The following RIMS1 variants were observed in gnomAD, a reference collection of about 807,000 sequenced individuals.
The protein encoded by RIMS1 is regulating synaptic membrane exocytosis protein 1.
A neutral mutation model predicts 214.1 loss-of-function variants in RIMS1; 83 were observed. The ratio of observed to expected loss-of-function variants is 0.39; its 90% CI spans 0.32 to 0.47. The LOEUF (loss-of-function observed/expected upper bound fraction) is 0.47. Ranked by LOEUF, RIMS1 falls within the 20% of genes least tolerant of loss-of-function variation. RIMS1 has a pLI of 0.99. For synonymous variants in RIMS1, 793 were observed against 786.8 expected, an observed-to-expected ratio of 1.01 and a Z score of -0.13; for missense variants, 2,050 against 2,161.8, an observed-to-expected ratio of 0.95 and a Z score of 1.03.
At chr6:72,231,155 G>A (rs773995761) in intron 6 of RIMS1, among the ~76,000 whole-genome samples, 11 of 151,590 alleles carry the variant, frequency 7.3e-5, no homozygotes, top group East Asian at 1.9e-4. Flanking sequence ...TGCTTATTCC[G>A]TTAATAATAG....
chr6:72,217,330 G>A (rs2056573287), intron 6 of RIMS1: 1 of 1,204,610 alleles, frequency 8.3e-7, no homozygotes, highest in Non-Finnish European at 1.2e-6. Flanking sequence ...ATACTAAAAT[G>A]TTTCATTTAG....
At chr6:72,281,760 A>C (rs2090211825) in intron 23 of RIMS1, among the ~76,000 whole-genome samples, 2 of 152,074 alleles carry the variant, frequency 1.3e-5, no homozygotes, top group African/African-American at 4.8e-5. Context: ...CATTTCAATA[A>C]GTCCTTTCCA....
At chr6:72,205,966 A>AT (rs1406214872) in intron 6 of RIMS1, among the ~76,000 whole-genome samples, 1 of 152,168 alleles carries the variant, frequency 6.6e-6, no homozygotes, top group African/African-American at 2.4e-5. Flanking sequence ...ACTATATGGT[A>AT]TGTTTTTGAA....
At chr6:72,119,005 A>G (rs1238276829) in intron 4 of RIMS1, among the ~76,000 whole-genome samples, 1 of 151,792 alleles carries the variant, frequency 6.6e-6, no homozygotes, top group Non-Finnish European at 1.5e-5. Context: ...AATAAAGGAC[A>G]TCCAAATTGG....
At chr6:72,307,746 A>G (rs950976903) in intron 27 of RIMS1, among the ~76,000 whole-genome samples, 1 of 152,050 alleles carries the variant, frequency 6.6e-6, no homozygotes, top group African/African-American at 2.4e-5. Context: ...GACTCCATCT[A>G]AAAAAACAAA....
At chr6:71,899,491 A>ACACACAC (rs1554198466) in intron 1 of RIMS1, among the ~76,000 whole-genome samples, 19 of 151,106 alleles carry the variant, frequency 1.3e-4, no homozygotes, top group South Asian at 1.1e-3. Flanking sequence ...CACACACACA[A>ACACACAC]ACACACACAC....
chr6:72,232,283 A>G (rs2062275416), intron 6 of RIMS1, among the ~76,000 whole-genome samples: 1 of 151,704 alleles, frequency 6.6e-6, no homozygotes, highest in Non-Finnish European at 1.5e-5. Context: ...TACCTTTTGA[A>G]TTATAACATT....
chr6:71,887,459 G>T (rs755629608), intron 1 of RIMS1, among the ~76,000 whole-genome samples: 1 of 152,126 alleles, frequency 6.6e-6, no homozygotes, highest in Non-Finnish European at 1.5e-5. Flanking sequence ...ATGGGTGGAC[G>T]GGGGCCACGC....
Position 72,233,675 on chromosome 6 carries a change from G to A in RIMS1, c.1679-98G>A. 4 of 881,770 alleles carry A rather than the reference G, an allele frequency of 4.5e-6. No individual in the cohort carries two copies. In the South Asian group the frequency reaches 5.7e-5, roughly 13 times the overall value. The allele number at this position is 881,770 out of a possible 1,614,324, so 54.6% of individuals were successfully genotyped here. On this transcript the variant is annotated intron_variant, in intron 6 of 33. Transcript: ENST00000521978. ...CTGCGATGTACACGCTCAAGCTTAT[G>A]ATATTAAAACTCTTTATAGATCGAA...
At chr6:71,994,338 C>T (rs1256475290) in intron 2 of RIMS1, among the ~76,000 whole-genome samples, 1 of 152,130 alleles carries the variant, frequency 6.6e-6, no homozygotes, top group Non-Finnish European at 1.5e-5. Flanking sequence ...GGCTTCTTTA[C>T]CTTACCATAT....
chr6:72,239,741 C>T (rs189082874), intron 9 of RIMS1, among the ~76,000 whole-genome samples: 15 of 152,250 alleles, frequency 9.9e-5, no homozygotes, highest in Non-Finnish European at 2.1e-4. Flanking sequence ...GAAGATCCTT[C>T]GGTGTTTCCT....
chr6:71,993,157 G>C (rs1802396506), intron 2 of RIMS1, among the ~76,000 whole-genome samples: 1 of 152,138 alleles, frequency 6.6e-6, no homozygotes, highest in Admixed American at 6.5e-5. Context: ...TGTTCAGGTA[G>C]TTATAACACC....
intron 1 of RIMS1, among the ~76,000 whole-genome samples, chr6:71,914,609 A>G (rs1297292745): frequency 2.0e-5 from 3 of 152,184 alleles, no homozygotes; most frequent in African/African-American, 4.8e-5. Flanking sequence ...AGATATGTTT[A>G]TAAACCTATG....
intron 2 of RIMS1, among the ~76,000 whole-genome samples, chr6:72,061,013 G>A (rs1198410920): frequency 5.3e-5 from 8 of 152,112 alleles, no homozygotes; most frequent in Admixed American, 2.0e-4. Context: ...TGATATTTGC[G>A]TTTCAATTAG....
At chr6:71,990,166 T>A (rs1398318924) in intron 2 of RIMS1, among the ~76,000 whole-genome samples, 3 of 152,216 alleles carry the variant, frequency 2.0e-5, no homozygotes, top group Non-Finnish European at 4.4e-5. Flanking sequence ...TTTACACAGT[T>A]TTATTTGAAT....
chr6:72,058,641 C>G (rs1403711273), intron 2 of RIMS1, among the ~76,000 whole-genome samples: 2 of 152,198 alleles, frequency 1.3e-5, no homozygotes. Context: ...CTCCTAGGTT[C>G]TGGTTCCTCC....
intron 2 of RIMS1, among the ~76,000 whole-genome samples, chr6:72,052,495 A>G (rs748677157): frequency 1.3e-5 from 2 of 152,008 alleles, no homozygotes; most frequent in Non-Finnish European, 2.9e-5. Context: ...ACCTGCTTTC[A>G]CTCTTTTTCA....
At chr6:72,088,865 T>C (rs1835396547) in intron 2 of RIMS1, among the ~76,000 whole-genome samples, 1 of 151,326 alleles carries the variant, frequency 6.6e-6, no homozygotes, top group South Asian at 2.1e-4. Context: ...CATAGTAATG[T>C]ATGCTTAGTG....
intron 2 of RIMS1, among the ~76,000 whole-genome samples, chr6:72,030,119 T>C (rs1486490399): frequency 1.3e-5 from 2 of 152,190 alleles, no homozygotes; most frequent in African/African-American, 2.4e-5. Context: ...TTTCAAAATA[T>C]GGACCAGTGC....
Sources: gnomAD v4.1 joint callset for allele counts (sites outside exome capture counted in the v4.1 genomes callset) on GRCh38, gnomAD v4.1.1 for gene constraint, MANE v1.5 for transcripts, NCBI Gene and HGNC (gene_info 2026-07-23, HGNC 2026-07-21) for gene names.